Variants in CDKL5 observed in about 807,000 individuals in gnomAD.
CDKL5 encodes cyclin dependent kinase like 5, also known as cyclin-dependent kinase-like 5.
CDKL5 carries 8 observed loss-of-function variants against 61.7 expected under a neutral mutation model. The ratio of observed to expected loss-of-function variants is 0.13; its 90% CI spans 0.08 to 0.23. CDKL5 has a LOEUF of 0.23. Ranked by LOEUF, CDKL5 falls within the 10% of genes least tolerant of loss-of-function variation. The pLI is 1.00. For synonymous variants in CDKL5, 275 were observed against 272.3 expected, an observed-to-expected ratio of 1.01 and a Z score of -0.10; for missense variants, 440 against 734.5, an observed-to-expected ratio of 0.60 and a Z score of 4.63.
intron 1 of CDKL5, among the ~76,000 whole-genome samples, chrX:18,483,477 G>T (rs536639928): frequency 1.8e-5 from 2 of 110,549 alleles, no homozygotes; most frequent in East Asian, 5.7e-4. Flanking sequence ...GAGTGCAGTG[G>T]CACAATTTTG....
chrX:18,622,870 T>G (rs926257402), intron 16 of CDKL5, among the ~76,000 whole-genome samples: 3 of 111,958 alleles, frequency 2.7e-5, no homozygotes, highest in Non-Finnish European at 5.6e-5. Context: ...CGATGCAAGT[T>G]AAACTCTTCC....
intron 1 of CDKL5, among the ~76,000 whole-genome samples, chrX:18,479,919 T>C (rs1340924870): frequency 8.9e-6 from 1 of 112,155 alleles, no homozygotes; most frequent in Non-Finnish European, 1.9e-5. Flanking sequence ...CTTCATAATT[T>C]AGAATAGGTT....
rs1307909115 is a variant in CDKL5 at position 18,639,466 on chromosome X, A to G, written c.*10709A>G. ...AAATCAAAACCACAGTTGAGATGCAACTTCACACATTATGGGTATAGTCAA... is the reference window on the plus strand; with the variant it reads ...AAATCAAAACCACAGTTGAGATGCAGCTTCACACATTATGGGTATAGTCAA... On this transcript the variant is annotated 3_prime_UTR_variant, in exon 18 of 18. Coordinates refer to ENST00000623535, the MANE Select transcript of CDKL5 (RefSeq NM_001323289.2). 1.8e-5 allele frequency among the ~76,000 whole-genome samples: 2 copies of G among 112,462 alleles called. No homozygotes were observed. Among genetic ancestry groups the G allele is most frequent in the African/African-American group, 3.2e-5 (1 of 30,954 alleles).
At chrX:18,458,046 G>C (rs373752569) in intron 1 of CDKL5, among the ~76,000 whole-genome samples, 3 of 100,531 alleles carry the variant, frequency 3.0e-5, no homozygotes, top group Non-Finnish European at 5.9e-5. Flanking sequence ...TCAGCCTCCC[G>C]AGTAGCTGGG....
At chrX:18,616,995 A>G (rs976179544) in intron 15 of CDKL5, among the ~76,000 whole-genome samples, 8 of 110,785 alleles carry the variant, frequency 7.2e-5, no homozygotes, top group African/African-American at 2.6e-4. Context: ...TACCCCCAAC[A>G]AGAGTCTGTG....
chrX:18,647,602 G>C (rs1191414957), intron 20 of CDKL5: 2 of 357,084 alleles, frequency 5.6e-6, no homozygotes, highest in Non-Finnish European at 9.8e-6. Context: ...AACTTCACAA[G>C]GGGTGTGTGG....
intron 3 of CDKL5, among the ~76,000 whole-genome samples, chrX:18,536,356 T>G (rs1279665449): frequency 9.1e-6 from 1 of 109,687 alleles, no homozygotes; most frequent in African/African-American, 3.3e-5. Flanking sequence ...TGCTGTCATT[T>G]TTAGCTTTAT....
At chrX:18,449,754 A>G (rs1449544584) in intron 1 of CDKL5, among the ~76,000 whole-genome samples, 1 of 108,374 alleles carries the variant, frequency 9.2e-6, no homozygotes, top group Non-Finnish European at 1.9e-5. Flanking sequence ...TTTTCTTTTC[A>G]TGTTAATAAA....
rs1602303444 is a variant in CDKL5 at position 18,633,745 on chromosome X, T to A, written c.*4988T>A. 1 of 753,791 alleles carries A rather than the reference T, an allele frequency of 1.3e-6. No individual in the cohort carries two copies. The highest frequency in any genetic ancestry group is 7.6e-4 in the Middle Eastern group (1 of 1,318). 62.1% of individuals were successfully genotyped at this position (753,791 alleles called of 1,213,427 possible). ...GAATGTACGATACAAATGGTAGGCC[T>A]TCATGTGAGCCAGTTACTACATGAA... On this transcript the variant is annotated 3_prime_UTR_variant, in exon 18 of 18. Coordinates refer to ENST00000623535, the MANE Select transcript of CDKL5 (RefSeq NM_001323289.2).
intron 3 of CDKL5, among the ~76,000 whole-genome samples, chrX:18,562,852 A>AC (rs2147131334): frequency 9.0e-6 from 1 of 111,722 alleles, no homozygotes; most frequent in South Asian, 3.7e-4. Flanking sequence ...ATTTTATTTG[A>AC]CCCCCATTAG....
At chrX:18,641,316 C>T (rs1052865204), downstream of CDKL5, 2 of 113,348 alleles carry the variant, frequency 1.8e-5, no homozygotes, top group African/African-American at 6.5e-5. Flanking sequence ...GTGTATTGGG[C>T]GCTCTGGTCC....
chrX:18,597,591 ATTTTTTTTTTTT>A (rs58993237), intron 10 of CDKL5, among the ~76,000 whole-genome samples: 5 of 72,820 alleles, frequency 6.9e-5, no homozygotes, highest in East Asian at 1.0e-3. Flanking sequence ...CTACAGAATG[ATTTTTTTTTTTT>A]TTTTTTTTTT....
intron 3 of CDKL5, among the ~76,000 whole-genome samples, chrX:18,551,872 C>T (rs1476537565): frequency 2.8e-5 from 3 of 108,681 alleles, no homozygotes; most frequent in African/African-American, 6.7e-5. Context: ...AGATTATAGG[C>T]GTGAGCCACC....
At chrX:18,494,537 G>A (rs906585182) in intron 1 of CDKL5, among the ~76,000 whole-genome samples, 1 of 112,416 alleles carries the variant, frequency 8.9e-6, no homozygotes, top group Non-Finnish European at 1.9e-5. Flanking sequence ...GGGATTACAG[G>A]CGTTAGCCAC....
At position 18,638,702 on chromosome X, in the gene CDKL5, T is replaced by G. The variant is rs1052534239; in HGVS notation, c.*9945T>G. Reference sequence around the variant, plus strand: ...TTCCAATGTGAAATCCCAGCTGGCTTCTTTGCAATGATGGACAAGTTAGTT... The same window carrying G: ...TTCCAATGTGAAATCCCAGCTGGCTGCTTTGCAATGATGGACAAGTTAGTT... On this transcript the variant is annotated 3_prime_UTR_variant, in exon 18 of 18. Coordinates refer to ENST00000623535, the MANE Select transcript of CDKL5 (RefSeq NM_001323289.2). Among the ~76,000 whole-genome samples the G allele has an allele frequency of 1.8e-5, 2 of 112,559 alleles. No individual in the cohort carries two copies. Among genetic ancestry groups the G allele is most frequent in the African/African-American group, 6.5e-5 (2 of 30,964 alleles).
intron 1 of CDKL5, among the ~76,000 whole-genome samples, chrX:18,472,400 G>A (rs1468549763): frequency 8.9e-6 from 1 of 111,903 alleles, no homozygotes; most frequent in African/African-American, 3.2e-5. Context: ...TTCCAGGCCA[G>A]ATAATATCAT....
chrX:18,618,579 A>T (rs1489485165), intron 15 of CDKL5, among the ~76,000 whole-genome samples: 1 of 112,539 alleles, frequency 8.9e-6, no homozygotes, highest in Non-Finnish European at 1.9e-5. Flanking sequence ...ATTGCAAAAG[A>T]ACTTGTCACA....
intron 3 of CDKL5, among the ~76,000 whole-genome samples, chrX:18,523,516 C>A (rs1298172624): frequency 9.0e-6 from 1 of 111,611 alleles, no homozygotes; most frequent in Non-Finnish European, 1.9e-5. Context: ...TATGGTTGAA[C>A]CTTGAAAACA....
chrX:18,618,431 TCATG>T (rs1926785494), intron 15 of CDKL5, among the ~76,000 whole-genome samples: 1 of 111,193 alleles, frequency 9.0e-6, no homozygotes, highest in Non-Finnish European at 1.9e-5. Context: ...CCATCCAGAG[TCATG>T]CTTTTGTGAT....
Sources: allele counts gnomAD v4.1 joint callset (sites outside exome capture counted in the v4.1 genomes callset), GRCh38; gene constraint gnomAD v4.1.1; transcripts MANE v1.5; gene names NCBI Gene and HGNC (gene_info 2026-07-23, HGNC 2026-07-21).